The following KLHL26 variants were observed in gnomAD, a reference collection of about 807,000 sequenced individuals.
KLHL26 encodes the protein kelch-like protein 26.
In KLHL26, 4 loss-of-function variants were observed where a neutral mutation model predicts 7.1. The ratio of observed to expected loss-of-function variants is 0.56; its 90% CI spans 0.28 to 1.28. The LOEUF is 1.28. Among genes scored for constraint, KLHL26 ranks in the 50% most tolerant of loss-of-function variants. KLHL26 has a pLI of 0.11. For synonymous variants in KLHL26, 465 were observed against 414.1 expected (o/e 1.12, Z -1.49); for missense variants, 896 against 924.6 (o/e 0.97, Z 0.40).
At chr19:18,664,472 G>T in intron 2 of KLHL26, 29 bp downstream of exon 2, 1 of 1,521,720 alleles carries the variant, frequency 6.6e-7, no homozygotes. Context: ...CAGCTGGAAG[G>T]GGCGGCTGCC....
chr19:18,665,831 C>T (rs1411400689), intron 2 of KLHL26, among the ~76,000 whole-genome samples: 1 of 152,194 alleles, frequency 6.6e-6, no homozygotes, highest in Admixed American at 6.5e-5. Flanking sequence ...AGCTGGGCCG[C>T]CCTGGGGAGG....
In KLHL26 at chr19:18,669,425, C is replaced by T; in HGVS notation, c.*180C>T. ...CCCTCCCTCCTTCCCAAAGCAGATC[C>T]TGGCTGCGAGTCCATCCGAGGGAGC... On this transcript the variant is annotated 3_prime_UTR_variant, in exon 3 of 3. Coordinates refer to ENST00000300976, the MANE Select transcript of KLHL26 (RefSeq NM_018316.3). The T allele has an allele frequency of 1.7e-6, 1 of 598,426 alleles. No individual in the cohort carries two copies. Among genetic ancestry groups the T allele is most frequent in the Non-Finnish European group, 3.0e-6 (1 of 338,732 alleles). The allele number at this position is 598,426 out of a possible 1,614,324, so 37.1% of individuals were successfully genotyped here. A position where few individuals can be genotyped will look rare whatever the true frequency, so the allele number is the denominator to read the frequency against.
At chr19:18,664,736 C>A (rs555418167) in intron 2 of KLHL26, among the ~76,000 whole-genome samples, 23 of 152,094 alleles carry the variant, frequency 1.5e-4, no homozygotes, top group African/African-American at 5.3e-4. Flanking sequence ...CACCCGCCAC[C>A]ATGCCCAGCT....
chr19:18,637,154 A>G lies in KLHL26; in HGVS notation c.83+17A>G. The G allele has an allele frequency of 2.3e-6, 3 of 1,318,858 alleles. No homozygotes were observed. Among genetic ancestry groups the G allele is most frequent in the Non-Finnish European group, 2.9e-6 (3 of 1,034,862 alleles). The allele number at this position is 1,318,858 out of a possible 1,614,324, so 81.7% of individuals were successfully genotyped here. Reference sequence around the variant, plus strand: ...CCCGAACAGGTGAGACCCGGCCCGCAGGATAGACCTGCACCTGTCTTGGAG... The same window carrying G: ...CCCGAACAGGTGAGACCCGGCCCGCGGGATAGACCTGCACCTGTCTTGGAG... On this transcript the variant is annotated intron_variant, in intron 1 of 2. Coordinates refer to ENST00000300976, the MANE Select transcript of KLHL26 (RefSeq NM_018316.3).
Position 18,669,211 on chromosome 19 carries a change from C to A in KLHL26, c.1814C>A (p.Pro605His). The A allele has an allele frequency of 6.2e-7, 1 of 1,611,766 alleles. No homozygotes were observed. The highest frequency in any genetic ancestry group is 8.5e-7 in the Non-Finnish European group (1 of 1,179,914). Residue 605 changes from proline (P) to histidine (H), a missense_variant, in exon 3 of 3, where the codon CCC (proline) becomes CAC (histidine). Physicochemically the swap from Pro to His is moderately conservative, Grantham distance 77 (BLOSUM62 -2). Coordinates refer to ENST00000300976, the MANE Select transcript of KLHL26 (RefSeq NM_018316.3). ...PESFAGIACA[P>H]VLLPRAGTRR ...TCCTTCGCAGGCATAGCCTGCGCCCCCGTCCTGCTGCCCCGGGCCGGGACC... is the reference window on the plus strand; with the variant it reads ...TCCTTCGCAGGCATAGCCTGCGCCCACGTCCTGCTGCCCCGGGCCGGGACC...
In KLHL26 at chr19:18,667,726, C is replaced by G. The variant is rs767433489; in HGVS notation, c.329C>G (p.Ser110Trp). 1.9e-6 allele frequency: 3 copies of G among 1,613,164 alleles called. No homozygotes were observed. Among genetic ancestry groups the G allele is most frequent in the African/African-American group, 2.7e-5 (2 of 75,074 alleles). The change falls in exon 3 of 3, where the codon TCG becomes TGG. Residue 110 changes from serine to tryptophan, a missense_variant. Ser to Trp is a radical substitution (Grantham distance 177). Transcript: ENST00000300976. ...GACGTCATCGAGCTGAAGGGCGTGT[C>G]GGCCCGTGGCCTGCGGCACATCATC... is the stretch of plus-strand genomic sequence containing the variant. Reference protein sequence around the residue: ...SQDVIELKGVSARGLRHIIDF... With the variant: ...SQDVIELKGVWARGLRHIIDF...
chr19:18,639,140 A>G (rs867387253), intron 1 of KLHL26, among the ~76,000 whole-genome samples: 2 of 151,968 alleles, frequency 1.3e-5, no homozygotes, highest in African/African-American at 2.4e-5. Context: ...CAGTGGCGCA[A>G]TCTCGGCTCA....
chr19:18,661,270 G>T (rs1305137602), intron 1 of KLHL26, among the ~76,000 whole-genome samples: 1 of 151,974 alleles, frequency 6.6e-6, no homozygotes, highest in Admixed American at 6.6e-5. Context: ...CTGGGTTCCG[G>T]GCACCCTCTC....
intron 1 of KLHL26, among the ~76,000 whole-genome samples, chr19:18,662,350 A>G (rs971195979): frequency 5.3e-5 from 8 of 152,246 alleles, no homozygotes; most frequent in African/African-American, 1.9e-4. Flanking sequence ...GGGGTCACCC[A>G]GAGCCCGAAT....
chr19:18,669,405 C>T lies in KLHL26; in HGVS notation c.*160C>T, dbSNP rs138206439. 126 of 613,292 alleles carry T rather than the reference C, an allele frequency of 2.1e-4. No homozygotes were observed. The African/African-American group carries it at 2.1e-3, about 10-fold the overall frequency. The allele number at this position is 613,292 out of a possible 1,614,324, so 38.0% of individuals were successfully genotyped here. A position where few individuals can be genotyped will look rare whatever the true frequency, so the allele number is the denominator to read the frequency against. The stretch of plus-strand genomic sequence containing the variant: ...CCCCCCTCCCAGGGGTCCCTCCCTC[C>T]CTCCTTCCCAAAGCAGATCCTGGCT... On this transcript the variant is annotated 3_prime_UTR_variant, in exon 3 of 3. Transcript: ENST00000300976.
chr19:18,644,895 A>G (rs976694953), intron 1 of KLHL26, among the ~76,000 whole-genome samples: 7 of 152,016 alleles, frequency 4.6e-5, no homozygotes, highest in African/African-American at 1.4e-4. Flanking sequence ...AACTCAAGAA[A>G]CTGTCCCCAG....
intron 1 of KLHL26, among the ~76,000 whole-genome samples, chr19:18,639,402 A>AG (rs1976673122): frequency 1.1e-5 from 1 of 94,646 alleles, no homozygotes; most frequent in Non-Finnish European, 2.2e-5. Flanking sequence ...TTTATCATTA[A>AG]GTTTTTTTTT....
At position 18,650,129 on chromosome 19, in the gene KLHL26, C is replaced by T. The variant is rs1478389999; in HGVS notation, c.83+12992C>T. 2.0e-5 allele frequency among the ~76,000 whole-genome samples: 3 copies of T among 152,038 alleles called. No individual in the cohort carries two copies. Among genetic ancestry groups the T allele is most frequent in the Non-Finnish European group, 4.4e-5 (3 of 68,008 alleles). On this transcript the variant is annotated intron_variant, in intron 1 of 2. Coordinates refer to ENST00000300976, the MANE Select transcript of KLHL26 (RefSeq NM_018316.3). This position sits in a 1 kb window ranked among gnomAD's most constrained non-coding sequence, Gnocchi z 4.2. The stretch of plus-strand genomic sequence containing the variant: ...AGGGGGGTCACCCGAGGATCGAGGC[C>T]GAAGATGTTTACTGACGCCACAACT...
rs1199650117 is a variant in KLHL26 at position 18,669,311 on chromosome 19, C to T, written c.*66C>T. On this transcript the variant is annotated 3_prime_UTR_variant, in exon 3 of 3. Transcript: ENST00000300976. ...CTCCAAGTGGGGCTTGGCGAATGCA[C>T]GTCTGCCTGAGAACCCCAGTGCCCC... 35 of 1,338,374 alleles carry T rather than the reference C, an allele frequency of 2.6e-5. No individual in the cohort carries two copies. The highest frequency in any genetic ancestry group is 3.5e-5 in the Non-Finnish European group (34 of 963,650). 82.9% of individuals were successfully genotyped at this position (1,338,374 alleles called of 1,614,324 possible).
chr19:18,655,998 C>T (rs532220442), intron 1 of KLHL26, among the ~76,000 whole-genome samples: 6 of 152,268 alleles, frequency 3.9e-5, no homozygotes, highest in East Asian at 1.9e-4. Flanking sequence ...GGTGGCCACA[C>T]GTATCCATCA....
intron 1 of KLHL26, among the ~76,000 whole-genome samples, chr19:18,642,627 G>C (rs1322931892): frequency 6.6e-6 from 1 of 152,062 alleles, no homozygotes; most frequent in Non-Finnish European, 1.5e-5. Flanking sequence ...GCCTCCCAAA[G>C]TGCTGGGATT....
intron 1 of KLHL26, among the ~76,000 whole-genome samples, chr19:18,652,814 T>C (rs1241077522): frequency 6.6e-6 from 1 of 152,136 alleles, no homozygotes; most frequent in African/African-American, 2.4e-5. Flanking sequence ...ACCCACTTTG[T>C]ATAAGGCCAT....
chr19:18,641,622 T>C (rs1177805960), intron 1 of KLHL26, among the ~76,000 whole-genome samples: 1 of 109,176 alleles, frequency 9.2e-6, no homozygotes, highest in Non-Finnish European at 1.7e-5. Context: ...CCCGGCTCTT[T>C]TTCTTTTTTC....
chr19:18,643,486 A>T (rs973566765), intron 1 of KLHL26, among the ~76,000 whole-genome samples: 13 of 149,842 alleles, frequency 8.7e-5, no homozygotes, highest in African/African-American at 2.7e-4. Context: ...TCTTATTATT[A>T]TTTTTTTTTG....
Sources: gnomAD v4.1 joint callset for allele counts (sites outside exome capture counted in the v4.1 genomes callset) on GRCh38, gnomAD v4.1.1 for gene constraint, Gnocchi (gnomAD v3.1) non-coding constraint, MANE v1.5 for transcripts, NCBI Gene and HGNC (gene_info 2026-07-23, HGNC 2026-07-21) for gene names.